Variants in PDZD7 observed in about 807,000 individuals in gnomAD.
PDZD7 encodes the protein PDZ domain containing 7.
A neutral mutation model predicts 84.7 loss-of-function variants in PDZD7; 72 were observed. The observed-to-expected ratio is 0.85, with a 90% CI of 0.70 to 1.03. The LOEUF (loss-of-function observed/expected upper bound fraction) is 1.03. PDZD7 is among the 50% of genes least tolerant of loss of function. The pLI is 0.00. For missense variants in PDZD7, 1,490 were observed against 1,412.9 expected (o/e 1.05, Z -0.87); for synonymous variants, 594 against 580.7 (o/e 1.02, Z -0.33).
chr10:101,017,916 A>AAAGAAAGAAAGAAAGAAAGAAAGAAAG, intron 9 of PDZD7, 183 bp downstream of exon 9: 1 of 471,672 alleles, frequency 2.1e-6, no homozygotes. Flanking sequence ...AAGAAAGAAA[A>AAAGAAAGAAAGAAAGAAAGAAAGAAAG]GAAAGAAAGA....
At position 101,021,884 on chromosome 10, in the gene PDZD7, C is replaced by G; in HGVS notation, c.781G>C (p.Ala261Pro). The G allele has an allele frequency of 3.1e-6, 5 of 1,614,164 alleles. No individual in the cohort carries two copies. The highest frequency in any genetic ancestry group is 4.2e-6 in the Non-Finnish European group (5 of 1,180,024). The change falls in exon 6 of 17, where the codon GCC becomes CCC. Residue 261 changes from alanine to proline, a missense_variant. Ala to Pro is a conservative substitution (Grantham distance 27). Transcript: ENST00000619208. ...GIKVGDQVLA[A>P]NGVRFDDISH... ...ATGTCGTCAAACCTGACACCGTTGG[C>G]TGCCAGGACCTGGTCCCCCACCTTG...
At chr10:101,011,257 G>A (rs1384937168) in intron 14 of PDZD7, 2 of 407,706 alleles carry the variant, frequency 4.9e-6, no homozygotes, top group Non-Finnish European at 4.0e-6. Flanking sequence ...GGCCAGGTTG[G>A]TCTCTACTCC....
intron 9 of PDZD7, 85 bp downstream of exon 9, chr10:101,018,014 G>A (rs1852797413): frequency 2.6e-6 from 4 of 1,546,958 alleles, no homozygotes; most frequent in Non-Finnish European, 3.6e-6. Flanking sequence ...GGTAAGACGC[G>A]GTGTGGGATC....
intron 11 of PDZD7, among the ~76,000 whole-genome samples, chr10:101,012,571 C>T (rs1852434498): frequency 8.5e-6 from 1 of 117,902 alleles, no homozygotes; most frequent in African/African-American, 3.3e-5. Context: ...TTAATTATTC[C>T]CGTTTTACAG....
At chr10:101,011,462 A>G (rs761901173) in intron 14 of PDZD7, 164 of 1,281,486 alleles carry the variant, frequency 1.3e-4, no homozygotes, top group Non-Finnish European at 1.5e-4. Flanking sequence ...GAATGAGACT[A>G]GATTTTAAAA....
At chr10:101,015,866 G>T (rs779622095) in intron 10 of PDZD7, 55 bp from the exon 11 acceptor site, 3 of 1,508,382 alleles carry the variant, frequency 2.0e-6, no homozygotes, top group Non-Finnish European at 2.7e-6. Context: ...AGCAGGGCTG[G>T]GCCCCAGAAT....
At chr10:101,018,750 C>G in intron 8 of PDZD7, 72 bp downstream of exon 8, 1 of 1,479,236 alleles carries the variant, frequency 6.8e-7, no homozygotes, top group Non-Finnish European at 9.0e-7. Flanking sequence ...GGTTTGAGCC[C>G]GGGACAGGAT....
At chr10:101,019,857 C>T (rs1456678240) in intron 7 of PDZD7, among the ~76,000 whole-genome samples, 4 of 151,476 alleles carry the variant, frequency 2.6e-5, no homozygotes, top group African/African-American at 9.7e-5. Flanking sequence ...AGCACCTGAC[C>T]TCAGGTGATC....
intron 7 of PDZD7, among the ~76,000 whole-genome samples, chr10:101,020,136 G>A (rs1189587293): frequency 1.3e-5 from 2 of 151,702 alleles, no homozygotes; most frequent in African/African-American, 2.4e-5. Flanking sequence ...TTGAGATGGA[G>A]TTTCACTCTT....
At chr10:101,027,659 A>G (rs1217321535) in intron 2 of PDZD7, among the ~76,000 whole-genome samples, 3 of 152,162 alleles carry the variant, frequency 2.0e-5, no homozygotes, top group Non-Finnish European at 4.4e-5. Context: ...GAGAAGCACC[A>G]TTCTATCATG....
At chr10:101,025,743 T>A (rs762280770) in intron 2 of PDZD7, among the ~76,000 whole-genome samples, 2 of 151,372 alleles carry the variant, frequency 1.3e-5, no homozygotes, top group East Asian at 3.9e-4. Context: ...GAGACGGGGT[T>A]TCACCGTGTT....
At position 101,022,355 on chromosome 10, in the gene PDZD7, C is replaced by T; in HGVS notation, c.573G>A (p.Val191=). The T allele has an allele frequency of 6.2e-7, 1 of 1,614,174 alleles. No homozygotes were observed. Among genetic ancestry groups the T allele is most frequent in the Non-Finnish European group, 8.5e-7 (1 of 1,180,036 alleles). The stretch of plus-strand genomic sequence containing the variant: ...CGGAGGGTGTTGAACCGCACTTCTC[C>T]ACTACCAGGCGCCGATTCACCACAT... The part of the protein sequence containing the change: ...WVDVVNRRLV[V]EKCGSTPSDT... Residue 191 remains valine (V), a synonymous_variant, in exon 5 of 17, where the codon GTG becomes GTA. Transcript: ENST00000619208.
chr10:101,010,456 G>GCGC lies in PDZD7; in HGVS notation c.2430_2432dup (p.Arg811dup), dbSNP rs1285597770. 1 of 1,535,992 alleles carries GCGC rather than the reference G, an allele frequency of 6.5e-7. No homozygotes were observed. The highest frequency in any genetic ancestry group is 1.4e-5 in the African/African-American group (1 of 73,144). On this transcript the variant is annotated inframe_insertion, in exon 15 of 17. Transcript: ENST00000619208. ...GTCTGGCCTTCCGAGGCTTGTGGTA[G>GCGC]CGCCCATTGGTCATGCTGGGGGCAG... is the stretch of plus-strand genomic sequence containing the variant.
chr10:101,015,711 C>T lies in PDZD7; in HGVS notation c.1674G>A (p.Arg558=), dbSNP rs1852588275. 6.5e-7 allele frequency: 1 copy of T among 1,550,322 alleles called. No individual in the cohort carries two copies. The highest frequency in any genetic ancestry group is 8.7e-7 in the Non-Finnish European group (1 of 1,146,958). Residue 558 remains arginine (R), a synonymous_variant, in exon 11 of 17, where the codon CGG becomes CGA. Transcript: ENST00000619208. The part of the protein sequence containing the change: ...DEQVQAWESR[R]PLIQDLAQRL... ...TCTGGGCCAGGTCCTGAATGAGGGG[C>T]CGCCGGCTCTCCCAGGCCTGAACCT...
chr10:101,018,538 G>A (rs983719509), intron 8 of PDZD7, among the ~76,000 whole-genome samples: 4 of 152,214 alleles, frequency 2.6e-5, no homozygotes, highest in Non-Finnish European at 5.9e-5. Flanking sequence ...ATGCGTGCGT[G>A]TGTTTGAGCA....
intron 2 of PDZD7, among the ~76,000 whole-genome samples, chr10:101,026,488 T>G (rs1590074552): frequency 1.8e-4 from 14 of 79,278 alleles, no homozygotes; most frequent in South Asian, 4.9e-4. Context: ...GGGTGGGGGG[T>G]AAGGGGGGGC....
chr10:101,017,912 G>A (rs191331869), intron 9 of PDZD7, 187 bp downstream of exon 9: 6 of 425,790 alleles, frequency 1.4e-5, no homozygotes, highest in South Asian at 3.5e-5. Context: ...AAGAAAGAAA[G>A]AAAAGAAAGA....
In PDZD7 at chr10:101,015,729, C is replaced by CT. The variant is rs1378470761; in HGVS notation, c.1655dup (p.Ala553GlyfsTer19). The CT allele has an allele frequency of 1.9e-6, 3 of 1,550,144 alleles. No individual in the cohort carries two copies. In the Admixed American group the frequency reaches 5.9e-5, roughly 30 times the overall value. ...TGAGGGGCCGCCGGCTCTCCCAGGC[C>CT]TGAACCTGCTCATCCACATTAGGCA... is the stretch of plus-strand genomic sequence containing the variant. On this transcript the variant is annotated frameshift_variant, in exon 11 of 17. Transcript: ENST00000619208. LOFTEE classifies it high-confidence loss of function.
In PDZD7 at chr10:101,019,004, T is replaced by C. The variant is rs1035994724; in HGVS notation, c.1142A>G (p.Glu381Gly). The change falls in exon 8 of 17, where the codon GAG becomes GGG. Residue 381 changes from glutamate to glycine, a missense_variant. Coordinates refer to ENST00000619208, the MANE Select transcript of PDZD7 (RefSeq NM_001195263.2). ...TGTGGGCCGCACGCTGCACCAGGTC[T>C]CCACCCGGCCTCCCGCATCGGGCTC... Reference protein sequence around the residue: ...QTEPDAGGRVETWCSVRPTVI... With the variant: ...QTEPDAGGRVGTWCSVRPTVI... 2 of 1,576,324 alleles carry C rather than the reference T, an allele frequency of 1.3e-6. No individual in the cohort carries two copies. The highest frequency in any genetic ancestry group is 8.6e-7 in the Non-Finnish European group (1 of 1,163,182).
Sources: gnomAD v4.1 joint callset for allele counts (sites outside exome capture counted in the v4.1 genomes callset) on GRCh38, gnomAD v4.1.1 for gene constraint, MANE v1.5 for transcripts, NCBI Gene and HGNC (gene_info 2026-07-23, HGNC 2026-07-21) for gene names.